The following CYB5A variants were observed in gnomAD, a reference collection of about 807,000 sequenced individuals.
CYB5A encodes the protein cytochrome b5 type A, also known as cytochrome b5.
In CYB5A, 10 loss-of-function variants were observed where a neutral mutation model predicts 16.2. The ratio of observed to expected loss-of-function variants is 0.62; its 90% CI spans 0.38 to 1.04. The LOEUF (loss-of-function observed/expected upper bound fraction) is 1.04, where lower values mean the gene tolerates loss of function less well. Among genes scored for constraint, CYB5A ranks in the 50% least tolerant of loss-of-function variants. CYB5A has a pLI of 0.01. For synonymous variants in CYB5A, 62 were observed against 57.0 expected (o/e 1.09, Z -0.40); for missense variants, 161 against 165.9 (o/e 0.97, Z 0.16).
intron 1 of CYB5A, among the ~76,000 whole-genome samples, chr18:74,269,423 T>TCCCTGGTCCTCACC (rs1982582972): frequency 5.3e-5 from 8 of 152,124 alleles, no homozygotes; most frequent in Non-Finnish European, 8.8e-5. Flanking sequence ...GCGTTGGCTC[T>TCCCTGGTCCTCACC]CCTGATGATC....
chr18:74,291,797 A>C lies in CYB5A; in HGVS notation c.79T>G (p.Trp27Gly), dbSNP rs748780741. ...IQKHNHSKSTWLILHHKVYDL... is the reference protein window; with the variant it reads ...IQKHNHSKSTGLILHHKVYDL... ...TACACCTTGTGGTGCAGGATCAGCC[A>C]GGTGCTCTTGCTGTGGTTGTGCTTC... Residue 27 changes from tryptophan to glycine, a missense_variant, in exon 1 of 5, where the codon TGG becomes GGG. Coordinates refer to ENST00000340533, the MANE Select transcript of CYB5A (RefSeq NM_148923.4). The C allele has an allele frequency of 1.5e-5, 25 of 1,613,756 alleles. No individual in the cohort carries two copies. The highest frequency in any genetic ancestry group is 2.1e-5 in the Non-Finnish European group (25 of 1,179,836).
intron 2 of CYB5A, 84 bp downstream of exon 2, chr18:74,263,265 G>T: frequency 6.4e-7 from 1 of 1,552,964 alleles, no homozygotes. Context: ...TTTAAAATGT[G>T]TATACATGCA....
chr18:74,262,473 A>G (rs1336626637), intron 2 of CYB5A, among the ~76,000 whole-genome samples: 1 of 139,216 alleles, frequency 7.2e-6, no homozygotes, highest in Non-Finnish European at 1.6e-5. Flanking sequence ...AAAAAAAAGA[A>G]AAGAAAAGCC....
chr18:74,268,549 T>C (rs1441639271), intron 1 of CYB5A, among the ~76,000 whole-genome samples: 1 of 152,148 alleles, frequency 6.6e-6, no homozygotes, highest in Admixed American at 6.5e-5. Flanking sequence ...TTTTAAAATA[T>C]AACCCAGGCT....
At chr18:74,271,348 C>A (rs1028722868) in intron 1 of CYB5A, among the ~76,000 whole-genome samples, 4 of 152,158 alleles carry the variant, frequency 2.6e-5, no homozygotes, top group Non-Finnish European at 5.9e-5. Context: ...AAACTCACAG[C>A]AGCTGAGATA....
intron 3 of CYB5A, chr18:74,256,323 C>A: frequency 5.9e-6 from 1 of 168,942 alleles, no homozygotes; most frequent in Non-Finnish European, 1.2e-5. Flanking sequence ...TTAATTCTGA[C>A]CAGACGGAAC....
intron 1 of CYB5A, among the ~76,000 whole-genome samples, chr18:74,288,695 A>G (rs1372908196): frequency 6.6e-6 from 1 of 152,128 alleles, no homozygotes; most frequent in Non-Finnish European, 1.5e-5. Context: ...CTTATTGGAG[A>G]TATAACCCCA....
At chr18:74,282,998 AT>A (rs993256407) in intron 1 of CYB5A, among the ~76,000 whole-genome samples, 35 of 152,334 alleles carry the variant, frequency 2.3e-4, no homozygotes, top group African/African-American at 7.5e-4. Flanking sequence ...CTGAAAACTC[AT>A]AAAACCACCA....
intron 1 of CYB5A, chr18:74,291,119 G>A (rs2073201500): frequency 1.1e-5 from 2 of 177,864 alleles, no homozygotes; most frequent in African/African-American, 4.8e-5. Context: ...CGCAGGCCCG[G>A]ACCACACCCG....
rs375230457 is a variant in CYB5A at position 74,282,506 on chromosome 18, CG to C, written c.129+9240del. Among the ~76,000 whole-genome samples, 443 of 152,286 alleles carry C rather than the reference CG, an allele frequency of 2.9e-3. 2 individuals carry two copies. The highest frequency in any genetic ancestry group is 9.1e-3 in the South Asian group (44 of 4,826). ...CCCCGGAAGAGTGACTTCCTGGCAC[CG>C]GACATGGGCCAGGTGCACAGCAGGC... On this transcript the variant is annotated intron_variant, in intron 1 of 4. Transcript: ENST00000340533.
chr18:74,285,843 C>CAAAAAAA (rs58176740), intron 1 of CYB5A, among the ~76,000 whole-genome samples: 2 of 70,862 alleles, frequency 2.8e-5, no homozygotes, highest in African/African-American at 4.2e-5. Context: ...GACCCCATCT[C>CAAAAAAA]AAAAAAAAAA....
chr18:74,261,933 A>G (rs1414616570), intron 2 of CYB5A, among the ~76,000 whole-genome samples: 1 of 152,154 alleles, frequency 6.6e-6, no homozygotes, highest in Admixed American at 6.5e-5. Flanking sequence ...ACCATGCACC[A>G]CAAGTGGGAA....
chr18:74,272,657 G>A (rs369739726), intron 1 of CYB5A, among the ~76,000 whole-genome samples: 1 of 152,088 alleles, frequency 6.6e-6, no homozygotes, highest in Non-Finnish European at 1.5e-5. Context: ...AGTGCCTCAC[G>A]CCTGTAATCC....
chr18:74,268,087 C>T (rs1386020085), intron 1 of CYB5A, among the ~76,000 whole-genome samples: 2 of 152,222 alleles, frequency 1.3e-5, no homozygotes, highest in East Asian at 1.9e-4. Flanking sequence ...CACACATGAA[C>T]GTCTCCACGT....
intron 1 of CYB5A, among the ~76,000 whole-genome samples, chr18:74,279,336 T>C (rs1035506239): frequency 1.3e-5 from 2 of 152,224 alleles, no homozygotes; most frequent in Admixed American, 6.5e-5. Flanking sequence ...GAGATCAGCC[T>C]GGCCAACAAG....
rs748438349 is a variant in CYB5A, at chr18:74,263,409, G to A, written c.198C>T (p.Val66=). ...TTTCCCTGGCATCTGTAGAGTGCCC[G>A]ACATCCTCAAAGTTCTCAGTAGCGT... is the stretch of plus-strand genomic sequence containing the variant. ...GGDATENFED[V]GHSTDAREMS... Residue 66 remains valine (V), a synonymous_variant, in exon 2 of 5, where the codon GTC becomes GTT. Coordinates refer to ENST00000340533, the MANE Select transcript of CYB5A (RefSeq NM_148923.4). 35 of 1,614,076 alleles carry A rather than the reference G, an allele frequency of 2.2e-5. No individual in the cohort carries two copies. Among genetic ancestry groups the A allele is most frequent in the Non-Finnish European group, 2.8e-5 (33 of 1,180,004 alleles).
At chr18:74,276,229 G>A (rs549912858) in intron 1 of CYB5A, among the ~76,000 whole-genome samples, 4 of 152,246 alleles carry the variant, frequency 2.6e-5, no homozygotes, top group East Asian at 1.9e-4. Context: ...AAAATGGGAC[G>A]CAGAGGAATG....
chr18:74,255,075 G>A (rs111327601), intron 4 of CYB5A, among the ~76,000 whole-genome samples: 21 of 152,332 alleles, frequency 1.4e-4, no homozygotes, highest in African/African-American at 5.0e-4. Context: ...GCTTGTTAAT[G>A]AAGAGTAAGG....
At chr18:74,259,392 A>G (rs1309952515) in intron 3 of CYB5A, 1 of 152,260 alleles carries the variant, frequency 6.6e-6, no homozygotes, top group Non-Finnish European at 1.5e-5. Context: ...GTATCAAAGT[A>G]ACTGCCACTT....
Sources: gnomAD v4.1 joint callset for allele counts (sites outside exome capture counted in the v4.1 genomes callset) on GRCh38, gnomAD v4.1.1 for gene constraint, MANE v1.5 for transcripts, NCBI Gene and HGNC (gene_info 2026-07-23, HGNC 2026-07-21) for gene names.